DOCK9: variants seen among roughly 807,000 people sequenced by gnomAD.
DOCK9 encodes dedicator of cytokinesis protein 9.
DOCK9 carries 89 observed loss-of-function variants against 263.3 expected under a neutral mutation model. The observed-to-expected ratio is 0.34, with a 90% confidence interval of 0.28 to 0.40. The LOEUF is 0.40. Ranked by LOEUF, DOCK9 falls within the 10% of genes least tolerant of loss-of-function variation. The probability of loss-of-function intolerance (pLI) is 1.00; values close to 1 mark genes in which losing one functional copy is unlikely to be tolerated. For synonymous variants in DOCK9, 976 were observed against 973.1 expected, an observed-to-expected ratio of 1.00 and a Z score of -0.06; for missense variants, 2,140 against 2,603.4, an observed-to-expected ratio of 0.82 and a Z score of 3.87.
intron 1 of DOCK9, among the ~76,000 whole-genome samples, chr13:99,042,216 C>A (rs1352475153): frequency 6.6e-6 from 1 of 152,238 alleles, no homozygotes; most frequent in East Asian, 1.9e-4. Context: ...CAGGTATTAT[C>A]TCTGTGCTAC....
At chr13:98,867,696 G>A (rs531346218) in intron 29 of DOCK9, among the ~76,000 whole-genome samples, 160 bp from the exon 30 acceptor site, 8 of 152,162 alleles carry the variant, frequency 5.3e-5, no homozygotes, top group Non-Finnish European at 1.0e-4. Flanking sequence ...GATGGCTGCA[G>A]GGATTGATTT....
At chr13:99,061,814 T>C (rs920596337) in intron 1 of DOCK9, among the ~76,000 whole-genome samples, 3 of 152,196 alleles carry the variant, frequency 2.0e-5, no homozygotes, top group African/African-American at 7.2e-5. Context: ...AATTTTCCTA[T>C]AATAAACATG....
At chr13:98,971,356 T>G (rs2059709238) in intron 1 of DOCK9, among the ~76,000 whole-genome samples, 1 of 152,226 alleles carries the variant, frequency 6.6e-6, no homozygotes, top group South Asian at 2.1e-4. Flanking sequence ...GTGCCCATTT[T>G]ACTAATTAGG....
intron 1 of DOCK9, among the ~76,000 whole-genome samples, chr13:99,037,290 C>T (rs1333881462): frequency 6.6e-6 from 1 of 151,480 alleles, no homozygotes; most frequent in African/African-American, 2.4e-5. Context: ...AATAAGAAAA[C>T]CAATTAAAAA....
At chr13:98,999,880 G>A (rs1276851818) in intron 1 of DOCK9, among the ~76,000 whole-genome samples, 2 of 152,130 alleles carry the variant, frequency 1.3e-5, no homozygotes, top group Non-Finnish European at 2.9e-5. Context: ...TGCTAAGGGT[G>A]AAAAGTGAAA....
chr13:98,888,281 T>C, intron 17 of DOCK9, 58 bp from the exon 18 acceptor site: 1 of 1,602,740 alleles, frequency 6.2e-7, no homozygotes, highest in Non-Finnish European at 8.5e-7. Flanking sequence ...ACTATGTAAG[T>C]ATTTATAAAA....
intron 38 of DOCK9, among the ~76,000 whole-genome samples, chr13:98,840,536 A>C (rs1324049439): frequency 6.6e-6 from 1 of 152,200 alleles, no homozygotes; most frequent in African/African-American, 2.4e-5. Flanking sequence ...CCACAGATGA[A>C]ATTTGTCTAC....
chr13:98,823,371 G>A (rs2092381332), intron 45 of DOCK9, among the ~76,000 whole-genome samples: 1 of 152,202 alleles, frequency 6.6e-6, no homozygotes, highest in Admixed American at 6.5e-5. Flanking sequence ...TTATGGCCTA[G>A]CTCATGTCAT....
chr13:98,904,521 T>G, intron 10 of DOCK9, 111 bp downstream of exon 10: 1 of 794,622 alleles, frequency 1.3e-6, no homozygotes. Context: ...TCTATAGTTA[T>G]TTTGCTTGTT....
At chr13:98,988,920 C>A (rs1332694154) in intron 1 of DOCK9, among the ~76,000 whole-genome samples, 3 of 152,174 alleles carry the variant, frequency 2.0e-5, no homozygotes, top group Non-Finnish European at 4.4e-5. Context: ...CAGGGTAGGA[C>A]GGCATCCCCA....
chr13:98,885,583 T>C (rs998724962), intron 20 of DOCK9, 125 bp downstream of exon 20: 3 of 1,027,468 alleles, frequency 2.9e-6, no homozygotes, highest in Non-Finnish European at 4.1e-6. Flanking sequence ...ATGCTACATA[T>C]CCGTTACCTA....
chr13:98,987,665 C>T (rs2141669134), intron 1 of DOCK9, among the ~76,000 whole-genome samples: 1 of 152,362 alleles, frequency 6.6e-6, no homozygotes, highest in Middle Eastern at 3.4e-3. Context: ...GGGACCCCTG[C>T]ACACACACTT....
intron 2 of DOCK9, among the ~76,000 whole-genome samples, chr13:98,952,624 AACTACAT>A (rs2057574210): frequency 6.6e-6 from 1 of 152,206 alleles, no homozygotes; most frequent in South Asian, 2.1e-4. Context: ...ATCCTCAGGC[AACTACAT>A]GCAACCCGCA....
intron 2 of DOCK9, among the ~76,000 whole-genome samples, chr13:98,940,741 C>T (rs966580034): frequency 6.6e-6 from 1 of 152,082 alleles, no homozygotes; most frequent in Non-Finnish European, 1.5e-5. Context: ...ATTTCTTTCT[C>T]TGGTCCTTCA....
Position 98,867,912 on chromosome 13 carries a change from A to T in DOCK9, c.3174+16T>A, listed in dbSNP as rs570163842. ...TACATGGTGACTTCTGTTACCAGTA[A>T]CAACCCCCGCACTACCTTTGGGTCT... On this transcript the variant is annotated intron_variant, in intron 29 of 52. Coordinates refer to ENST00000682017, the MANE Select transcript of DOCK9 (RefSeq NM_001366683.2). The T allele has an allele frequency of 1.6e-5, 25 of 1,610,830 alleles. No homozygotes were observed. In the African/African-American group the frequency reaches 2.9e-4, roughly 19 times the overall value.
Position 98,849,987 on chromosome 13 carries a change from A to C in DOCK9, c.4013+60T>G, listed in dbSNP as rs2093514747. 1.1e-5 allele frequency: 13 copies of C among 1,232,062 alleles called. No individual in the cohort carries two copies. The South Asian group carries it at 1.6e-4, about 15-fold the overall frequency. 76.3% of individuals were successfully genotyped at this position (1,232,062 alleles called of 1,614,324 possible). A position where few individuals can be genotyped will look rare whatever the true frequency, so the allele number is the denominator to read the frequency against. ...CTGGTTCAACTACATAGTATTCTTC[A>C]AGCCTCTTAATGATCCAGGAAAAAA... On this transcript the variant is annotated intron_variant, in intron 36 of 52. Transcript: ENST00000682017.
At chr13:98,899,018 C>A (rs199694503) in intron 13 of DOCK9, among the ~76,000 whole-genome samples, 2 of 150,486 alleles carry the variant, frequency 1.3e-5, no homozygotes, top group East Asian at 3.9e-4. Context: ...TTGATTGTCT[C>A]AGAGTTACAG....
chr13:98,993,091 A>C (rs958596991), intron 1 of DOCK9, among the ~76,000 whole-genome samples: 6 of 152,236 alleles, frequency 3.9e-5, no homozygotes, highest in African/African-American at 1.2e-4. Context: ...AGTCTTAGTC[A>C]GGAGTATGGA....
intron 1 of DOCK9, among the ~76,000 whole-genome samples, chr13:98,970,066 C>T (rs2059584612): frequency 6.6e-6 from 1 of 152,224 alleles, no homozygotes. Flanking sequence ...TCCACCATAG[C>T]TCACTGTAAC....
Sources: allele counts gnomAD v4.1 joint callset (sites outside exome capture counted in the v4.1 genomes callset), GRCh38; gene constraint gnomAD v4.1.1; transcripts MANE v1.5; gene names NCBI Gene and HGNC (gene_info 2026-07-23, HGNC 2026-07-21).